TSLP: variants seen among roughly 807,000 people sequenced by gnomAD.
TSLP encodes the protein thymic stromal lymphopoietin, also known as thymic stroma-derived lymphopoietin.
A neutral mutation model predicts 12.4 loss-of-function variants in TSLP; 12 were observed. The observed-to-expected ratio is 0.97, with a 90% CI of 0.62 to 1.57. The LOEUF is 1.57. Among genes scored for constraint, TSLP ranks in the 40% most tolerant of loss-of-function variants. The probability of loss-of-function intolerance (pLI) is 0.00; values close to 1 mark genes in which losing one functional copy is unlikely to be tolerated. For synonymous variants in TSLP, 97 were observed against 69.5 expected (o/e 1.40, Z -1.97); for missense variants, 222 against 189.6 (o/e 1.17, Z -1.00).
chr5:111,073,703 G>C (rs528888823), intron 3 of TSLP, 58 bp downstream of exon 3: 3 of 1,539,916 alleles, frequency 1.9e-6, no homozygotes, highest in Admixed American at 3.8e-5. Context: ...AATTAAACTG[G>C]GGCTTTGGTG....
intron 1 of TSLP, 34 bp downstream of exon 1, chr5:111,072,095 T>G (rs1253723510): frequency 6.3e-7 from 1 of 1,576,084 alleles, no homozygotes. Flanking sequence ...ACAAATGTAT[T>G]TTCATCAGAG....
chr5:111,073,620 G>C lies in TSLP; in HGVS notation c.326G>C (p.Trp109Ser), dbSNP rs747846561. The C allele has an allele frequency of 6.2e-7, 1 of 1,614,186 alleles. No individual in the cohort carries two copies. Among genetic ancestry groups the C allele is most frequent in the East Asian group, 2.2e-5 (1 of 44,884 alleles). ...AAAACTAAGGCTGCCTTAGCTATCT[G>C]GTGCCCAGGCTATTCGGAAACTCAG... ...AMKTKAALAIWCPGYSETQIN... is the reference protein window; with the variant it reads ...AMKTKAALAISCPGYSETQIN... The change falls in exon 3 of 4, where the codon TGG (tryptophan) becomes TCG (serine). Residue 109 changes from tryptophan to serine, a missense_variant. Coordinates refer to ENST00000344895, the MANE Select transcript of TSLP (RefSeq NM_033035.5).
At chr5:111,072,347 T>C (rs933854149) in intron 1 of TSLP, among the ~76,000 whole-genome samples, 1 of 152,204 alleles carries the variant, frequency 6.6e-6, no homozygotes, top group East Asian at 1.9e-4. Flanking sequence ...ACTCTGACTA[T>C]GCTGTAAAAA....
Position 111,073,693 on chromosome 5 carries a change from A to G in TSLP, c.351+48A>G, listed in dbSNP as rs201709945. On this transcript the variant is annotated intron_variant, in intron 3 of 3. Transcript: ENST00000344895. ...TTGCTGTACCTTGGGGCTAACCTCA[A>G]ATTAAACTGGGGCTTTGGTGCAGAA... 181 of 1,570,240 alleles carry G rather than the reference A, an allele frequency of 1.2e-4. No individual in the cohort carries two copies. In the African/African-American group the frequency reaches 2.1e-3, roughly 18 times the overall value.
chr5:111,076,013 A>G lies in TSLP; in HGVS notation c.419A>G (p.Gln140Arg). ...RKVTTNKCLEQVSQLQGLWRR... is the reference protein window; with the variant it reads ...RKVTTNKCLERVSQLQGLWRR... ...GTCACAACCAATAAATGTCTGGAAC[A>G]AGTGTCACAATTACAAGGATTGTGG... is the stretch of plus-strand genomic sequence containing the variant. The change falls in exon 4 of 4, where the codon CAA (glutamine) becomes CGA (arginine). Residue 140 changes from glutamine (Q) to arginine (R), a missense_variant. By Grantham distance (43) the Gln-to-Arg change is conservative (BLOSUM62 1). Transcript: ENST00000344895. The G allele has an allele frequency of 6.2e-7, 1 of 1,614,168 alleles. No homozygotes were observed. Among genetic ancestry groups the G allele is most frequent in the Non-Finnish European group, 8.5e-7 (1 of 1,180,006 alleles).
At position 111,072,895 on chromosome 5, in the gene TSLP, G is replaced by T. The variant is rs889977306; in HGVS notation, c.179G>T (p.Ser60Ile). 2.5e-6 allele frequency: 4 copies of T among 1,614,098 alleles called. No individual in the cohort carries two copies. The African/African-American group carries it at 4.0e-5, about 16-fold the overall frequency. ...DLITYMSGTKSTEFNNTVSCS... is the reference protein window; with the variant it reads ...DLITYMSGTKITEFNNTVSCS... The stretch of plus-strand genomic sequence containing the variant: ...TATTTTTCTTTCTTCCAGACCAAAA[G>T]TACCGAGTTCAACAACACCGTCTCT... Residue 60 changes from serine to isoleucine, a missense_variant, in exon 2 of 4, where the codon AGT (serine) becomes ATT (isoleucine). Physicochemically the swap from Ser to Ile is moderately radical, Grantham distance 142. Transcript: ENST00000344895.
chr5:111,074,741 T>C (rs1752452991), intron 3 of TSLP, among the ~76,000 whole-genome samples: 1 of 147,898 alleles, frequency 6.8e-6, no homozygotes, highest in African/African-American at 2.5e-5. Context: ...AGCCTCAGCC[T>C]CCCGAGTAGC....
rs939575947 is a variant in TSLP at position 111,071,839 on chromosome 5, T to A, written c.-52T>A. 12 of 1,588,218 alleles carry A rather than the reference T, an allele frequency of 7.6e-6. No individual in the cohort carries two copies. The Admixed American group carries it at 1.7e-4, about 22-fold the overall frequency. On this transcript the variant is annotated 5_prime_UTR_variant, in exon 1 of 4. Transcript: ENST00000344895. ...GGCAGGCCTTACAGATCTCTTACAC[T>A]CGTGGTGGGAAGAGTTTAGTGTGAA...
intron 1 of TSLP, among the ~76,000 whole-genome samples, chr5:111,072,517 A>G (rs1299307776): frequency 6.6e-6 from 1 of 152,206 alleles, no homozygotes; most frequent in Middle Eastern, 3.2e-3. Context: ...TTTAACATAC[A>G]GTAGTAATCA....
Position 111,075,790 on chromosome 5 carries a change from T to G in TSLP, c.352-156T>G, listed in dbSNP as rs553748455. ...AGGTGGGTACAGAAACAGGAAGGCA[T>G]TCCCCTGGAAAAGGCACATGCTAGC... On this transcript the variant is annotated intron_variant, in intron 3 of 3. Transcript: ENST00000344895. Among the ~76,000 whole-genome samples the G allele has an allele frequency of 3.3e-5, 5 of 152,286 alleles. No individual in the cohort carries two copies. The South Asian group carries it at 1.0e-3, about 32-fold the overall frequency.
chr5:111,075,817 C>T (rs1752488113), intron 3 of TSLP, 129 bp from the exon 4 acceptor site: 1 of 937,202 alleles, frequency 1.1e-6, no homozygotes, highest in Non-Finnish European at 1.6e-6. Flanking sequence ...CATGCTAGCA[C>T]ATAGTAAGCA....
intron 3 of TSLP, among the ~76,000 whole-genome samples, 199 bp from the exon 4 acceptor site, chr5:111,075,747 T>A (rs1372112237): frequency 6.6e-6 from 1 of 152,140 alleles, no homozygotes; most frequent in Non-Finnish European, 1.5e-5. Flanking sequence ...AGGTGGTGCT[T>A]GGCCTTGAAG....
At chr5:111,072,401 C>G (rs985720169) in intron 1 of TSLP, among the ~76,000 whole-genome samples, 11 of 152,130 alleles carry the variant, frequency 7.2e-5, no homozygotes, top group Non-Finnish European at 1.6e-4. Flanking sequence ...AGAGATAATT[C>G]TCATGAGATA....
In TSLP at chr5:111,071,991, G is replaced by A. The variant is rs1359550993; in HGVS notation, c.101G>A (p.Cys34Tyr). ...GTGTTAACTTACGACTTCACTAACT[G>A]TGACTTTGAGAAGATTAAAGCAGCC... is the stretch of plus-strand genomic sequence containing the variant. ...GLVLTYDFTN[C>Y]DFEKIKAAYL... Residue 34 changes from cysteine to tyrosine, a missense_variant, in exon 1 of 4, where the codon TGT (cysteine) becomes TAT (tyrosine). By Grantham distance (194) the Cys-to-Tyr change is radical (BLOSUM62 -2). Transcript: ENST00000344895. 2.5e-6 allele frequency: 4 copies of A among 1,614,186 alleles called. No homozygotes were observed. The highest frequency in any genetic ancestry group is 3.4e-6 in the Non-Finnish European group (4 of 1,180,036).
chr5:111,074,149 A>G (rs1235318801), intron 3 of TSLP, among the ~76,000 whole-genome samples: 1 of 152,158 alleles, frequency 6.6e-6, no homozygotes, highest in East Asian at 1.9e-4. Flanking sequence ...ATGTTTGCTT[A>G]ATTGCTTGTG....
At chr5:111,073,211 G>C in intron 2 of TSLP, 1 of 1,214,780 alleles carries the variant, frequency 8.2e-7, no homozygotes, top group Non-Finnish European at 1.1e-6. Flanking sequence ...CTGGGGTCCG[G>C]CGCCTCCGCG....
upstream of TSLP, chr5:111,071,503 G>A: frequency 6.5e-7 from 1 of 1,547,386 alleles, no homozygotes; most frequent in Non-Finnish European, 8.7e-7. Flanking sequence ...TTAGGGCAAA[G>A]CAAAAAGGAG....
In TSLP at chr5:111,076,657, C is replaced by A. The variant is rs1752515274; in HGVS notation, c.*583C>A. 6.6e-6 allele frequency: 1 copy of A among 152,146 alleles called. No homozygotes were observed. Among genetic ancestry groups the A allele is most frequent in the African/African-American group, 2.4e-5 (1 of 41,412 alleles). 9.4% of individuals were successfully genotyped at this position (152,146 alleles called of 1,614,324 possible). A position where few individuals can be genotyped will look rare whatever the true frequency, so the allele number is the denominator to read the frequency against. On this transcript the variant is annotated 3_prime_UTR_variant, in exon 4 of 4. Coordinates refer to ENST00000344895, the MANE Select transcript of TSLP (RefSeq NM_033035.5). ...ATATACAAGTAGATCCTGAGAAGTACCTTTGTTACAGCTACTATAAATATA... is the reference window on the plus strand; with the variant it reads ...ATATACAAGTAGATCCTGAGAAGTAACTTTGTTACAGCTACTATAAATATA...
At chr5:111,073,056 G>A (rs917818256) in intron 2 of TSLP, 124 bp downstream of exon 2, 6 of 1,180,044 alleles carry the variant, frequency 5.1e-6, no homozygotes, top group African/African-American at 1.5e-5. Context: ...GCCGCCGGGG[G>A]AAAGGGGACA....
Sources: gnomAD v4.1 joint callset for allele counts (sites outside exome capture counted in the v4.1 genomes callset) on GRCh38, gnomAD v4.1.1 for gene constraint, MANE v1.5 for transcripts, NCBI Gene and HGNC (gene_info 2026-07-23, HGNC 2026-07-21) for gene names.